Variants in FAM161A observed in about 807,000 individuals in gnomAD.
The protein encoded by FAM161A is FAM161 centrosomal protein A.
In FAM161A, 57 loss-of-function variants were observed where a neutral mutation model predicts 70.9. That is an observed-to-expected ratio of 0.80 (90% confidence interval 0.65 to 1.00). The LOEUF (loss-of-function observed/expected upper bound fraction) is 1.00. Among genes scored for constraint, FAM161A ranks in the 50% least tolerant of loss-of-function variants. The probability of loss-of-function intolerance (pLI) is 0.00; values close to 1 mark genes in which losing one functional copy is unlikely to be tolerated. For synonymous variants in FAM161A, 299 were observed against 295.7 expected (o/e 1.01, Z -0.12); for missense variants, 880 against 836.0 (o/e 1.05, Z -0.65).
intron 1 of FAM161A, among the ~76,000 whole-genome samples, chr2:61,849,086 ATATATT>A (rs1673399844): frequency 1.7e-5 from 1 of 57,922 alleles, no homozygotes; most frequent in African/African-American, 8.0e-5. Context: ...ATATTTATAT[ATATATT>A]TAAATATATA....
rs1289993682 is a variant in FAM161A, at chr2:61,838,886, TTATTTA to T, written c.1584-187_1584-182del. Among the ~76,000 whole-genome samples, 214 of 135,486 alleles carry T rather than the reference TTATTTA, an allele frequency of 1.6e-3. 2 individuals carry two copies. The East Asian group carries it at 0.032, about 20-fold the overall frequency. 88.9% of individuals were successfully genotyped at this position (135,486 alleles called of 152,430 possible). ...TTTATTTATTTATTTATTTATTTAT[TTATTTA>T]TTTTTTTTGAGATGGAGTCTCGCTC... On this transcript the variant is annotated intron_variant, in intron 3 of 6. Coordinates refer to ENST00000404929, the MANE Select transcript of FAM161A (RefSeq NM_001201543.2).
At chr2:61,807,391 T>A in the FAM161A span, among the ~76,000 whole-genome samples, 1 of 152,050 alleles carries the variant, frequency 6.6e-6, no homozygotes, top group Non-Finnish European at 1.5e-5. Flanking sequence ...TTTTTTCCAT[T>A]ATAAGCATTG....
downstream of FAM161A, chr2:61,820,670 A>G (rs1672184312): frequency 4.5e-6 from 2 of 447,658 alleles, no homozygotes; most frequent in Non-Finnish European, 8.1e-6. Context: ...GCTGTGTAAC[A>G]AGGGAAAGTT....
Position 61,843,937 on chromosome 2 carries a change from A to C in FAM161A, c.184-1577T>G, listed in dbSNP as rs1269655412. Among the ~76,000 whole-genome samples the C allele has an allele frequency of 2.6e-5, 4 of 151,842 alleles. No individual in the cohort carries two copies. The East Asian group carries it at 7.8e-4, about 30-fold the overall frequency. On this transcript the variant is annotated intron_variant, in intron 1 of 6. Transcript: ENST00000404929. Reference sequence around the variant, plus strand: ...GGCAGGTGGATCACGAGGTCAGGAGATTGAGACAATCCTGGCTAACATGGC... The same window carrying C: ...GGCAGGTGGATCACGAGGTCAGGAGCTTGAGACAATCCTGGCTAACATGGC...
the FAM161A span, among the ~76,000 whole-genome samples, chr2:61,808,002 G>A: frequency 6.6e-6 from 1 of 152,160 alleles, no homozygotes; most frequent in African/African-American, 2.4e-5. Flanking sequence ...GGGTATTCCA[G>A]AGAACAGTGT....
Position 61,840,236 on chromosome 2 carries a change from C to A in FAM161A, c.768G>T (p.Met256Ile), listed in dbSNP as rs1403374892. ...CCATTTCGATATCTGATTTAGATTT[C>A]ATGGACTCTTCTTTTTTCTTCTGTT... ...IREQKKKEES[M>I]KSKSDIEMVH... The change falls in exon 3 of 7, where the codon ATG becomes ATT. Residue 256 changes from methionine to isoleucine, a missense_variant. By Grantham distance (10) the Met-to-Ile change is conservative. Transcript: ENST00000404929. 1 of 1,613,932 alleles carries A rather than the reference C, an allele frequency of 6.2e-7. No homozygotes were observed. The highest frequency in any genetic ancestry group is 1.7e-5 in the Admixed American group (1 of 59,970).
the FAM161A span, among the ~76,000 whole-genome samples, chr2:61,807,702 T>G: frequency 6.9e-6 from 1 of 144,448 alleles, no homozygotes; most frequent in Non-Finnish European, 1.5e-5. Context: ...TGCAGTGGCG[T>G]GAATCATGGC....
chr2:61,832,189 G>A (rs957680377), intron 5 of FAM161A, among the ~76,000 whole-genome samples: 1 of 147,076 alleles, frequency 6.8e-6, no homozygotes, highest in Non-Finnish European at 1.5e-5. Context: ...AAGTTGCAGT[G>A]AGCCGAGATC....
chr2:61,800,645 A>G, the FAM161A span, among the ~76,000 whole-genome samples: 1 of 151,970 alleles, frequency 6.6e-6, no homozygotes, highest in African/African-American at 2.4e-5. Flanking sequence ...CCCAACTACA[A>G]GAGAGGCTGG....
At chr2:61,846,641 A>C (rs1031206120) in intron 1 of FAM161A, 1 of 248,774 alleles carries the variant, frequency 4.0e-6, no homozygotes, top group Non-Finnish European at 7.9e-6. Flanking sequence ...TCTGCTTTGC[A>C]ATGCCAGAGC....
At position 61,833,559 on chromosome 2, in the gene FAM161A, G is replaced by A. The variant is rs1455267439; in HGVS notation, c.1851+2451C>T. ...CTGGGAAACAGAAAGATGGAAAGAC[G>A]TTGAAAGGGTAGGTAAGTGTGCTTC... On this transcript the variant is annotated intron_variant, in intron 5 of 6. Coordinates refer to ENST00000404929, the MANE Select transcript of FAM161A (RefSeq NM_001201543.2). Among the ~76,000 whole-genome samples the A allele has an allele frequency of 8.5e-5, 13 of 152,150 alleles. No homozygotes were observed. In the South Asian group the frequency reaches 1.2e-3, roughly 15 times the overall value.
At chr2:61,829,323 A>G (rs974919784) in intron 5 of FAM161A, among the ~76,000 whole-genome samples, 2 of 152,228 alleles carry the variant, frequency 1.3e-5, no homozygotes, top group Non-Finnish European at 2.9e-5. Context: ...CAAATCTAGT[A>G]TAATGAGGGG....
downstream of FAM161A, among the ~76,000 whole-genome samples, chr2:61,822,764 A>T (rs974547904): frequency 6.6e-6 from 1 of 151,770 alleles, no homozygotes; most frequent in African/African-American, 2.4e-5. Flanking sequence ...TTCTTTTTGT[A>T]TTTTAAGTAG....
intron 6 of FAM161A, among the ~76,000 whole-genome samples, 153 bp from the exon 7 acceptor site, chr2:61,826,752 G>T (rs1672384153): frequency 6.6e-6 from 1 of 151,944 alleles, no homozygotes; most frequent in Non-Finnish European, 1.5e-5. Context: ...AGAAGAAAAC[G>T]CTATAAAAGT....
the FAM161A span, among the ~76,000 whole-genome samples, chr2:61,806,180 T>G: frequency 6.6e-6 from 1 of 151,938 alleles, no homozygotes; most frequent in Non-Finnish European, 1.5e-5. Flanking sequence ...ACTGCACTAC[T>G]GCACTCAAGC....
At chr2:61,817,333 G>A in the FAM161A span, among the ~76,000 whole-genome samples, 19 of 152,212 alleles carry the variant, frequency 1.2e-4, no homozygotes, top group South Asian at 3.7e-3. Context: ...TATTAACACA[G>A]CACAAGGAAA....
chr2:61,811,055 A>T, the FAM161A span, among the ~76,000 whole-genome samples: 1 of 152,090 alleles, frequency 6.6e-6, no homozygotes, highest in South Asian at 2.1e-4. Flanking sequence ...GGATGCATTA[A>T]TTTCTTCTAC....
the FAM161A span, among the ~76,000 whole-genome samples, chr2:61,817,838 C>T: frequency 1.3e-5 from 2 of 151,970 alleles, no homozygotes; most frequent in South Asian, 4.2e-4. Context: ...CGGTGGCTTG[C>T]AGGAGTGGTC....
chr2:61,830,472 G>A (rs1021836055), intron 5 of FAM161A, among the ~76,000 whole-genome samples: 1 of 151,926 alleles, frequency 6.6e-6, no homozygotes, highest in African/African-American at 2.4e-5. Flanking sequence ...CTTGAGGTCA[G>A]GAGTTCAGGA....
Sources: allele counts gnomAD v4.1 joint callset (sites outside exome capture counted in the v4.1 genomes callset), GRCh38; gene constraint gnomAD v4.1.1; transcripts MANE v1.5; gene names NCBI Gene and HGNC (gene_info 2026-07-23, HGNC 2026-07-21).